ZAR1: variants seen among roughly 807,000 people sequenced by gnomAD.
ZAR1 encodes the protein zygote arrest 1, also known as zygote arrest protein 1.
ZAR1 carries 37 observed loss-of-function variants against 38.3 expected under a neutral mutation model. The observed-to-expected ratio is 0.97, with a 90% confidence interval of 0.74 to 1.27. The LOEUF (loss-of-function observed/expected upper bound fraction) is 1.27. ZAR1 is among the 50% of genes most tolerant of loss of function. The probability of loss-of-function intolerance (pLI) is 0.00; values close to 1 mark genes in which losing one functional copy is unlikely to be tolerated. For missense variants in ZAR1, 651 were observed against 632.4 expected, an observed-to-expected ratio of 1.03 and a Z score of -0.32; for synonymous variants, 336 against 292.0, an observed-to-expected ratio of 1.15 and a Z score of -1.53.
rs1718394127 is a variant in ZAR1, at chr4:48,490,492, G to T, written c.201G>T (p.Gly67=). The change falls in exon 1 of 4, where the codon GGG becomes GGT. Residue 67 remains glycine (G), a synonymous_variant. Transcript: ENST00000327939. The stretch of plus-strand genomic sequence containing the variant: ...CCTCGTTGTCCTTCCCGGGCTGCGG[G>T]CGGCTGACGGCCGCCGAGTACTTCG... The part of the protein sequence containing the change: ...GAASLSFPGC[G]RLTAAEYFDS... The T allele has an allele frequency of 1.4e-6, 2 of 1,469,158 alleles. No individual in the cohort carries two copies. Among genetic ancestry groups the T allele is most frequent in the African/African-American group, 2.9e-5 (2 of 68,008 alleles). The allele number at this position is 1,469,158 out of a possible 1,614,324, so 91.0% of individuals were successfully genotyped here.
Position 48,494,330 on chromosome 4 carries a change from A to G in ZAR1, c.*86A>G. The G allele has an allele frequency of 6.5e-7, 1 of 1,532,506 alleles. No homozygotes were observed. The highest frequency in any genetic ancestry group is 8.9e-7 in the Non-Finnish European group (1 of 1,120,778). The allele number at this position is 1,532,506 out of a possible 1,614,324, so 94.9% of individuals were successfully genotyped here. ...TCTCCTCCACCTCTCCCTTCTCAAAATACTTCATGAAAGGCAGTGTATTCT... is the reference window on the plus strand; with the variant it reads ...TCTCCTCCACCTCTCCCTTCTCAAAGTACTTCATGAAAGGCAGTGTATTCT... On this transcript the variant is annotated 3_prime_UTR_variant, in exon 4 of 4. Coordinates refer to ENST00000327939, the MANE Select transcript of ZAR1 (RefSeq NM_175619.3).
rs1577773416 is a variant in ZAR1, at chr4:48,492,688, A to G, written c.964-78A>G. ...CTGAAGTTGCCAATTTCAAATATCA[A>G]GTAGATCCTTCCCAACGTCTGAAAT... is the stretch of plus-strand genomic sequence containing the variant. On this transcript the variant is annotated intron_variant, in intron 1 of 3. Transcript: ENST00000327939. 3 of 1,430,592 alleles carry G rather than the reference A, an allele frequency of 2.1e-6. No homozygotes were observed. In the East Asian group the frequency reaches 6.8e-5, roughly 32 times the overall value. 88.6% of individuals were successfully genotyped at this position (1,430,592 alleles called of 1,614,324 possible).
In ZAR1 at chr4:48,490,697, T is replaced by C. The variant is rs2148673560; in HGVS notation, c.406T>C (p.Ser136Pro). 2 of 1,316,164 alleles carry C rather than the reference T, an allele frequency of 1.5e-6. No individual in the cohort carries two copies. The highest frequency in any genetic ancestry group is 4.2e-5 in the South Asian group (2 of 47,648). The allele number at this position is 1,316,164 out of a possible 1,614,324, so 81.5% of individuals were successfully genotyped here. ...GCAGCGCCGGGCCCGCGACCCCGAG[T>C]CCCCGGCCGGCCCCGGGGCCGAGGG... ...TLQRRARDPE[S>P]PAGPGAEGTT... Residue 136 changes from serine (S) to proline (P), a missense_variant, in exon 1 of 4, where the codon TCC becomes CCC. Physicochemically the swap from Ser to Pro is moderately conservative, Grantham distance 74. Coordinates refer to ENST00000327939, the MANE Select transcript of ZAR1 (RefSeq NM_175619.3).
At chr4:48,495,422 T>C (rs1718558609), downstream of ZAR1, among the ~76,000 whole-genome samples, 1 of 152,184 alleles carries the variant, frequency 6.6e-6, no homozygotes, top group Non-Finnish European at 1.5e-5. Context: ...GTTTGAGGCC[T>C]CCATAGAATC....
intron 3 of ZAR1, among the ~76,000 whole-genome samples, chr4:48,493,241 C>T (rs1577773894): frequency 1.3e-5 from 2 of 152,270 alleles, no homozygotes; most frequent in East Asian, 3.9e-4. Flanking sequence ...CTGTTAACCT[C>T]ACTTGCAATA....
At position 48,490,610 on chromosome 4, in the gene ZAR1, G is replaced by A. The variant is rs1331959219; in HGVS notation, c.319G>A (p.Ala107Thr). ...RARRAGSCDVAVQVSPRIDAA... is the reference protein window; with the variant it reads ...RARRAGSCDVTVQVSPRIDAA... ...CCGCAGGGCCGGCAGCTGCGACGTG[G>A]CGGTGCAGGTGAGCCCGCGCATCGA... Residue 107 changes from alanine to threonine, a missense_variant, in exon 1 of 4, where the codon GCG (alanine) becomes ACG (threonine). Ala to Thr is a moderately conservative substitution (Grantham distance 58, BLOSUM62 0). This residue lies in a region of ZAR1 where 522 missense variants were observed against 459.9 expected (regional missense o/e 1.14). Transcript: ENST00000327939. 2 of 1,375,582 alleles carry A rather than the reference G, an allele frequency of 1.5e-6. No individual in the cohort carries two copies. The highest frequency in any genetic ancestry group is 6.2e-5 in the East Asian group (2 of 32,408). 85.2% of individuals were successfully genotyped at this position (1,375,582 alleles called of 1,614,324 possible).
At position 48,494,363 on chromosome 4, in the gene ZAR1, C is replaced by G. The variant is rs1363896073; in HGVS notation, c.*119C>G. ...TGAAAGGCAGTGTATTCTGAAAAAG[C>G]CTTCAAATAAAGGTATTGCAACACG... On this transcript the variant is annotated 3_prime_UTR_variant, in exon 4 of 4. Coordinates refer to ENST00000327939, the MANE Select transcript of ZAR1 (RefSeq NM_175619.3). 2.7e-5 allele frequency: 36 copies of G among 1,340,782 alleles called. No homozygotes were observed. Among genetic ancestry groups the G allele is most frequent in the South Asian group, 1.8e-4 (14 of 79,046 alleles). The allele number at this position is 1,340,782 out of a possible 1,614,324, so 83.1% of individuals were successfully genotyped here. A position where few individuals can be genotyped will look rare whatever the true frequency, so the allele number is the denominator to read the frequency against.
chr4:48,496,046 T>C (rs1473001241), downstream of ZAR1, among the ~76,000 whole-genome samples: 1 of 152,192 alleles, frequency 6.6e-6, no homozygotes, highest in Non-Finnish European at 1.5e-5. Flanking sequence ...TCCATCCTCC[T>C]GGCTCAGCCT....
At chr4:48,495,906 G>C (rs951713474), downstream of ZAR1, among the ~76,000 whole-genome samples, 6 of 152,222 alleles carry the variant, frequency 3.9e-5, no homozygotes, top group Non-Finnish European at 7.3e-5. Context: ...CATGCCAGGT[G>C]AATCTAGCAG....
intron 1 of ZAR1, among the ~76,000 whole-genome samples, chr4:48,492,134 G>A (rs190891473): frequency 1.1e-3 from 168 of 152,344 alleles, no homozygotes; most frequent in Non-Finnish European, 1.9e-3. Context: ...CCTGGACTTA[G>A]CGCAGTCTCA....
chr4:48,494,443 C>T, downstream of ZAR1: 1 of 647,896 alleles, frequency 1.5e-6, no homozygotes. Flanking sequence ...GAGCGCTTGT[C>T]TTGTGCTAAC....
In ZAR1 at chr4:48,491,007, C is replaced by T. The variant is rs1340234002; in HGVS notation, c.716C>T (p.Ser239Phe). Residue 239 changes from serine to phenylalanine, a missense_variant, in exon 1 of 4, where the codon TCC becomes TTC. By Grantham distance (155) the Ser-to-Phe change is radical. Around this residue, in one of 2 missense-constraint regions of ZAR1, gnomAD observed 522 missense variants for 459.9 expected, o/e 1.14. Coordinates refer to ENST00000327939, the MANE Select transcript of ZAR1 (RefSeq NM_175619.3). ...AAGAAGGCGCCCCGGCGGCCGCAGT[C>T]CGACGACGACGGCGAGGCCCAGGCC... The part of the protein sequence containing the change: ...WTKKAPRRPQ[S>F]DDDGEAQAAV... 34 of 1,364,776 alleles carry T rather than the reference C, an allele frequency of 2.5e-5. No homozygotes were observed. In the Admixed American group the frequency reaches 8.2e-4, roughly 33 times the overall value. The allele number at this position is 1,364,776 out of a possible 1,614,324, so 84.5% of individuals were successfully genotyped here.
intron 3 of ZAR1, among the ~76,000 whole-genome samples, 153 bp from the exon 4 acceptor site, chr4:48,493,948 G>GT (rs1311177604): frequency 6.6e-6 from 1 of 152,238 alleles, no homozygotes; most frequent in Non-Finnish European, 1.5e-5. Flanking sequence ...TCATTGCTAC[G>GT]TAGGTAGGGA....
chr4:48,491,737 A>G (rs1211072227), intron 1 of ZAR1, among the ~76,000 whole-genome samples: 2 of 152,218 alleles, frequency 1.3e-5, no homozygotes, highest in East Asian at 3.8e-4. Flanking sequence ...ACGAGCTTCC[A>G]GGCTATTGGA....
chr4:48,495,741 C>T (rs1043576313), downstream of ZAR1, among the ~76,000 whole-genome samples: 2 of 152,174 alleles, frequency 1.3e-5, no homozygotes, highest in East Asian at 1.9e-4. Context: ...CTTAAAAGAA[C>T]GATACCTCAG....
chr4:48,493,158 G>C (rs1718492478), intron 3 of ZAR1, 146 bp downstream of exon 3: 2 of 690,296 alleles, frequency 2.9e-6, no homozygotes, highest in Admixed American at 5.8e-5. Context: ...ACAATACTCA[G>C]CTGGGAAACG....
chr4:48,492,745 T>C, intron 1 of ZAR1, 21 bp from the exon 2 acceptor site: 2 of 1,607,000 alleles, frequency 1.2e-6, no homozygotes, highest in Non-Finnish European at 1.7e-6. Flanking sequence ...GTTGGTTAAA[T>C]TGACATATCC....
chr4:48,492,723 T>G, intron 1 of ZAR1, 43 bp from the exon 2 acceptor site: 1 of 1,557,888 alleles, frequency 6.4e-7, no homozygotes, highest in South Asian at 1.1e-5. Context: ...TGAAGGATAA[T>G]TCAGGTGTTT....
rs1718444851 is a variant in ZAR1, at chr4:48,491,577, G to A, written c.963+323G>A. On this transcript the variant is annotated intron_variant, in intron 1 of 3. Transcript: ENST00000327939. ...TAGGCCAGCCCTGACCGCACGGTTG[G>A]ATTACCTATCAGTAGGCACAACTGA... is the stretch of plus-strand genomic sequence containing the variant. 2.0e-5 allele frequency among the ~76,000 whole-genome samples: 3 copies of A among 152,188 alleles called. No homozygotes were observed. The South Asian group carries it at 6.2e-4, about 32-fold the overall frequency.
Sources: allele counts gnomAD v4.1 joint callset (sites outside exome capture counted in the v4.1 genomes callset), GRCh38; gene constraint gnomAD v4.1.1; regional missense constraint gnomAD v4.1.1; transcripts MANE v1.5; gene names NCBI Gene and HGNC (gene_info 2026-07-23, HGNC 2026-07-21).